Variants in GFRAL observed in about 807,000 individuals in gnomAD.
The protein encoded by GFRAL is GDNF family receptor alpha-like.
GFRAL carries 36 observed loss-of-function variants against 45.4 expected under a neutral mutation model. The ratio of observed to expected loss-of-function variants is 0.79; its 90% CI spans 0.61 to 1.05. GFRAL has a LOEUF of 1.05. Among genes scored for constraint, GFRAL ranks in the 50% least tolerant of loss-of-function variants. The pLI, the probability that GFRAL is intolerant of heterozygous loss-of-function variation, is 0.00. For missense variants in GFRAL, 507 were observed against 467.5 expected, an observed-to-expected ratio of 1.08 and a Z score of -0.78; for synonymous variants, 166 against 154.1, an observed-to-expected ratio of 1.08 and a Z score of -0.57.
rs762189285 is a variant in GFRAL at position 55,399,220 on chromosome 6, T to C, written c.993T>C (p.Tyr331=). 2 of 1,607,398 alleles carry C rather than the reference T, an allele frequency of 1.2e-6. No homozygotes were observed. The highest frequency in any genetic ancestry group is 2.2e-5 in the East Asian group (1 of 44,624). Reference sequence around the variant, plus strand: ...CTAATGTCAAAGGCATGGCATTGTATACAAGAAAACATGCAAACAAAATCA... The same window carrying C: ...CTAATGTCAAAGGCATGGCATTGTACACAAGAAAACATGCAAACAAAATCA... ...TLSNVKGMAL[Y]TRKHANKITL... The change falls in exon 7 of 9, where the codon TAT becomes TAC. Residue 331 remains tyrosine (Y), a synonymous_variant. Transcript: ENST00000340465.
intron 6 of GFRAL, among the ~76,000 whole-genome samples, chr6:55,384,287 C>A (rs894023334): frequency 6.6e-6 from 1 of 151,042 alleles, no homozygotes; most frequent in African/African-American, 2.5e-5. Flanking sequence ...AACTCAAGAA[C>A]TTCCATTTAT....
At chr6:55,397,075 C>T (rs903410802) in intron 6 of GFRAL, among the ~76,000 whole-genome samples, 8 of 151,896 alleles carry the variant, frequency 5.3e-5, no homozygotes, top group Non-Finnish European at 1.5e-5. Context: ...TGGGGTCTTG[C>T]TATGTTGGCC....
At chr6:55,340,253 T>G (rs532238240) in intron 3 of GFRAL, among the ~76,000 whole-genome samples, 1 of 152,264 alleles carries the variant, frequency 6.6e-6, no homozygotes, top group Non-Finnish European at 1.5e-5. Context: ...AACAAAATGG[T>G]TTTCTCTCCA....
intron 6 of GFRAL, among the ~76,000 whole-genome samples, chr6:55,387,900 G>A (rs1160727050): frequency 6.6e-6 from 1 of 152,176 alleles, no homozygotes; most frequent in Non-Finnish European, 1.5e-5. Context: ...TCTTTGGAAA[G>A]CATTTATTTA....
chr6:55,378,191 C>A (rs75999920), intron 6 of GFRAL, among the ~76,000 whole-genome samples: 2 of 151,840 alleles, frequency 1.3e-5, no homozygotes, highest in Non-Finnish European at 2.9e-5. Context: ...AAGCATGGTA[C>A]AATGTCCAAG....
At chr6:55,388,725 A>C (rs1768711133) in intron 6 of GFRAL, among the ~76,000 whole-genome samples, 2 of 152,186 alleles carry the variant, frequency 1.3e-5, no homozygotes, top group South Asian at 4.1e-4. Context: ...TTGTTATTTT[A>C]ATACTGCCAG....
In GFRAL at chr6:55,382,366, G is replaced by A. The variant is rs185524868; in HGVS notation, c.953-16814G>A. ...TAAAGAGAATAATAACAAATAAACT[G>A]TTTCTTTAAAATTACTTTAAATACC... On this transcript the variant is annotated intron_variant, in intron 6 of 8. Coordinates refer to ENST00000340465, the MANE Select transcript of GFRAL (RefSeq NM_207410.2). Among the ~76,000 whole-genome samples the A allele has an allele frequency of 4.5e-3, 684 of 151,968 alleles. 5 individuals carry two copies. Among genetic ancestry groups the A allele is most frequent in the African/African-American group, 0.016 (651 of 41,512 alleles).
intron 6 of GFRAL, among the ~76,000 whole-genome samples, chr6:55,368,493 G>C (rs1197165873): frequency 6.6e-6 from 1 of 151,994 alleles, no homozygotes; most frequent in Non-Finnish European, 1.5e-5. Flanking sequence ...GAGGAACTGC[G>C]TTCCTTTGGA....
At chr6:55,374,948 T>C (rs1768504058) in intron 6 of GFRAL, among the ~76,000 whole-genome samples, 1 of 152,144 alleles carries the variant, frequency 6.6e-6, no homozygotes, top group Non-Finnish European at 1.5e-5. Context: ...CGTGGTCTTA[T>C]TTTTGAGCTC....
At chr6:55,365,452 C>A (rs1478542407) in intron 6 of GFRAL, among the ~76,000 whole-genome samples, 3 of 107,148 alleles carry the variant, frequency 2.8e-5, no homozygotes, top group Non-Finnish European at 1.9e-5. Context: ...GCCTAATTGC[C>A]CTGGCCAGAA....
intron 6 of GFRAL, among the ~76,000 whole-genome samples, chr6:55,398,799 T>C (rs2127367696): frequency 6.6e-6 from 1 of 152,280 alleles, no homozygotes; most frequent in East Asian, 1.9e-4. Flanking sequence ...TATTCCAGTA[T>C]CTGAGTGCAG....
intron 6 of GFRAL, among the ~76,000 whole-genome samples, chr6:55,387,653 G>A (rs1220492554): frequency 6.6e-6 from 1 of 152,120 alleles, no homozygotes; most frequent in Non-Finnish European, 1.5e-5. Context: ...TGAGCAATGA[G>A]TAGACATTTG....
At chr6:55,349,981 C>A (rs1486784978) in intron 3 of GFRAL, 111 bp from the exon 4 acceptor site, 4 of 701,554 alleles carry the variant, frequency 5.7e-6, no homozygotes, top group Non-Finnish European at 1.0e-5. Flanking sequence ...CTTGTATGTA[C>A]TTTTGCTTGA....
intron 6 of GFRAL, among the ~76,000 whole-genome samples, chr6:55,369,334 C>G (rs1768417196): frequency 1.3e-5 from 2 of 152,210 alleles, no homozygotes; most frequent in Non-Finnish European, 2.9e-5. Context: ...TGACCTGCGC[C>G]TACTGTCTGG....
intron 4 of GFRAL, among the ~76,000 whole-genome samples, chr6:55,350,481 C>A (rs1562052683): frequency 6.6e-6 from 1 of 151,924 alleles, no homozygotes; most frequent in Non-Finnish European, 1.5e-5. Context: ...TTGAGACCAA[C>A]CTGGACAACA....
At chr6:55,368,943 G>T (rs1271344363) in intron 6 of GFRAL, among the ~76,000 whole-genome samples, 1 of 152,102 alleles carries the variant, frequency 6.6e-6, no homozygotes, top group African/African-American at 2.4e-5. Flanking sequence ...AGGCAGGCAG[G>T]CCTCCTTGAG....
chr6:55,351,225 C>T, intron 4 of GFRAL, 28 bp from the exon 5 acceptor site: 5 of 1,490,848 alleles, frequency 3.4e-6, no homozygotes, highest in Non-Finnish European at 4.5e-6. Flanking sequence ...TTTACTTTTC[C>T]ACGACCTGGG....
intron 1 of GFRAL, among the ~76,000 whole-genome samples, chr6:55,330,616 C>A (rs116816898): frequency 0.014 from 2,194 of 152,186 alleles, 48 homozygotes; most frequent in African/African-American, 0.051. Flanking sequence ...AGTAGGTATG[C>A]AGAGGTAGAA....
intron 8 of GFRAL, among the ~76,000 whole-genome samples, chr6:55,401,586 A>C (rs1488891154): frequency 1.3e-5 from 2 of 152,254 alleles, no homozygotes; most frequent in Non-Finnish European, 2.9e-5. Context: ...ACTTTTTAAA[A>C]AATGATTACT....
Sources: allele counts gnomAD v4.1 joint callset (sites outside exome capture counted in the v4.1 genomes callset), GRCh38; gene constraint gnomAD v4.1.1; transcripts MANE v1.5; gene names NCBI Gene and HGNC (gene_info 2026-07-23, HGNC 2026-07-21).